Variants in VPS13C observed in about 807,000 individuals in gnomAD.
VPS13C encodes the protein intermembrane lipid transfer protein VPS13C.
In VPS13C, 358 loss-of-function variants were observed where a neutral mutation model predicts 456.8. The observed-to-expected ratio is 0.78, with a 90% CI of 0.72 to 0.86. The LOEUF is 0.86. Among genes scored for constraint, VPS13C ranks in the 40% least tolerant of loss-of-function variants. The pLI is 0.00. For synonymous variants in VPS13C, 1,578 were observed against 1,486.7 expected (o/e 1.06, Z -1.41); for missense variants, 4,818 against 4,385.4 (o/e 1.10, Z -2.79).
At chr15:62,032,812 G>A (rs1258818882) in intron 5 of VPS13C, among the ~76,000 whole-genome samples, 1 of 151,524 alleles carries the variant, frequency 6.6e-6, no homozygotes, top group Non-Finnish European at 1.5e-5. Context: ...ATAGATGTCT[G>A]GAAAAGTCCT....
rs760521109 is a variant in VPS13C, at chr15:61,922,684, C to T, written c.6688G>A (p.Asp2230Asn). ...SPKTKEDGSK[D>N]TSKEMENLWG... Reference sequence around the variant, plus strand: ...AGATTTTCCATTTCCTTAGACGTATCTTTGGATCCATCTTCTTTTGTTTTT... The same window carrying T: ...AGATTTTCCATTTCCTTAGACGTATTTTTGGATCCATCTTCTTTTGTTTTT... The change falls in exon 54 of 85, where the codon GAT becomes AAT. Residue 2230 changes from aspartate to asparagine, a missense_variant. By Grantham distance (23) the Asp-to-Asn change is conservative. Transcript: ENST00000644861. 2 of 1,613,760 alleles carry T rather than the reference C, an allele frequency of 1.2e-6. No homozygotes were observed. The highest frequency in any genetic ancestry group is 2.7e-5 in the African/African-American group (2 of 74,880).
intron 61 of VPS13C, among the ~76,000 whole-genome samples, chr15:61,915,050 A>ACAG (rs1203661057): frequency 3.3e-5 from 5 of 152,124 alleles, no homozygotes; most frequent in African/African-American, 1.2e-4. Flanking sequence ...CAAAGGATGA[A>ACAG]CAGCAGATAT....
At position 61,925,195 on chromosome 15, in the gene VPS13C, A is replaced by C. The variant is rs528754391; in HGVS notation, c.6609+261T>G. Among the ~76,000 whole-genome samples the C allele has an allele frequency of 4.0e-5, 6 of 150,890 alleles. No individual in the cohort carries two copies. In the East Asian group the frequency reaches 1.2e-3, roughly 30 times the overall value. ...TCCCTCCTCCAACTCAACCCCCACA[A>C]CACACGCATGCAAATAGAATAGAGA... On this transcript the variant is annotated intron_variant, in intron 53 of 84. Coordinates refer to ENST00000644861, the MANE Select transcript of VPS13C (RefSeq NM_020821.3).
chr15:61,976,022 T>C (rs1166475567), intron 24 of VPS13C, among the ~76,000 whole-genome samples: 2 of 152,152 alleles, frequency 1.3e-5, no homozygotes, highest in East Asian at 3.9e-4. Context: ...GTACACACAG[T>C]TTGAAGGTAA....
intron 81 of VPS13C, chr15:61,865,050 A>C: frequency 1.0e-6 from 1 of 984,922 alleles, no homozygotes; most frequent in Non-Finnish European, 1.2e-6. Context: ...TGTCTTCAGC[A>C]CTACTAAAAA....
At chr15:61,907,876 T>C (rs1179260261) in intron 65 of VPS13C, among the ~76,000 whole-genome samples, 3 of 152,190 alleles carry the variant, frequency 2.0e-5, no homozygotes, top group Non-Finnish European at 4.4e-5. Flanking sequence ...TACCCAAGCC[T>C]CTCAAGTAGC....
chr15:62,041,124 C>A (rs1472707803), intron 3 of VPS13C, among the ~76,000 whole-genome samples, 200 bp downstream of exon 3: 1 of 152,058 alleles, frequency 6.6e-6, no homozygotes, highest in African/African-American at 2.4e-5. Context: ...CTTCCATTTT[C>A]TACCTTTTGT....
intron 1 of VPS13C, among the ~76,000 whole-genome samples, chr15:62,045,811 C>T (rs1279489317): frequency 6.6e-6 from 1 of 151,848 alleles, no homozygotes; most frequent in South Asian, 2.1e-4. Context: ...TCTAAATGTC[C>T]AGGAAGAAGG....
intron 45 of VPS13C, 117 bp downstream of exon 45, chr15:61,945,598 G>T: frequency 1.5e-6 from 1 of 670,192 alleles, no homozygotes. Flanking sequence ...ATTCTGTTCA[G>T]CACTCAGGTG....
chr15:61,959,696 T>G, intron 35 of VPS13C, 101 bp from the exon 36 acceptor site: 1 of 1,192,054 alleles, frequency 8.4e-7, no homozygotes. Flanking sequence ...CTCTAAATAC[T>G]GATCTGAAAC....
chr15:61,885,067 C>G (rs570388377), intron 67 of VPS13C, among the ~76,000 whole-genome samples: 1 of 152,188 alleles, frequency 6.6e-6, no homozygotes, highest in South Asian at 2.1e-4. Flanking sequence ...GTTGCTGGAA[C>G]TGGAGTTGCA....
intron 1 of VPS13C, among the ~76,000 whole-genome samples, chr15:62,054,328 G>C (rs1021895992): frequency 6.2e-4 from 95 of 152,284 alleles, no homozygotes; most frequent in Middle Eastern, 6.8e-3. Flanking sequence ...CTAGCTGGCA[G>C]GTAATACTGT....
chr15:61,962,852 C>A lies in VPS13C; in HGVS notation c.3332G>T (p.Gly1111Val), dbSNP rs1472283479. ...CTGGAGAGAAAGGGAGGAATCCAGT[C>A]CTGAAAAAAAGAGTGTATTATTATA... ...KNNIAEIKIQ[G>V]LDSSLSLQSR... Residue 1111 changes from glycine (G) to valine (V), a missense_variant and splice_region_variant, in exon 33 of 85, where the codon GGA (glycine) becomes GTA (valine). This residue lies in a region of VPS13C where 4,552 missense variants were observed against 4,130.6 expected (regional missense o/e 1.10). Transcript: ENST00000644861. The A allele has an allele frequency of 6.3e-7, 1 of 1,585,384 alleles. No individual in the cohort carries two copies. Among genetic ancestry groups the A allele is most frequent in the East Asian group, 2.3e-5 (1 of 44,374 alleles).
At chr15:61,947,095 AC>A in intron 43 of VPS13C, 97 bp downstream of exon 43, 1 of 776,566 alleles carries the variant, frequency 1.3e-6, no homozygotes, top group Non-Finnish European at 2.0e-6. Flanking sequence ...ATATAAGTAA[AC>A]CAAAAGAAAA....
chr15:61,875,660 T>G lies in VPS13C; in HGVS notation c.10338+72A>C. Reference sequence around the variant, plus strand: ...TCCAAGATACAATTACAATGCAAATTACTATTTGTTATTAAAAAATAGACC... The same window carrying G: ...TCCAAGATACAATTACAATGCAAATGACTATTTGTTATTAAAAAATAGACC... On this transcript the variant is annotated intron_variant, in intron 76 of 84. Transcript: ENST00000644861. The G allele has an allele frequency of 6.9e-6, 7 of 1,010,124 alleles. No individual in the cohort carries two copies. The South Asian group carries it at 9.9e-5, about 14-fold the overall frequency. 62.6% of individuals were successfully genotyped at this position (1,010,124 alleles called of 1,614,324 possible).
chr15:62,048,773 C>A (rs534311466), intron 1 of VPS13C, among the ~76,000 whole-genome samples: 42 of 152,136 alleles, frequency 2.8e-4, no homozygotes, highest in South Asian at 6.2e-4. Flanking sequence ...CTGTTGTTTC[C>A]TGACTTTTTA....
At chr15:61,960,706 G>A (rs1308566147) in intron 35 of VPS13C, among the ~76,000 whole-genome samples, 1 of 152,192 alleles carries the variant, frequency 6.6e-6, no homozygotes, top group East Asian at 1.9e-4. Context: ...TGAAGGATAT[G>A]TAGGTGCATT....
At chr15:61,917,968 C>G (rs2043526728) in intron 59 of VPS13C, among the ~76,000 whole-genome samples, 168 bp downstream of exon 59, 1 of 151,898 alleles carries the variant, frequency 6.6e-6, no homozygotes, top group South Asian at 2.1e-4. Flanking sequence ...GGAATTTTCA[C>G]CTGATAAATT....
rs1316868008 is a variant in VPS13C at position 61,991,044 on chromosome 15, T to C, written c.1534A>G (p.Ile512Val). The change falls in exon 18 of 85, where the codon ATT becomes GTT. Residue 512 changes from isoleucine to valine, a missense_variant. Physicochemically the swap from Ile to Val is conservative, Grantham distance 29. Transcript: ENST00000644861. Reference protein sequence around the residue: ...PEEKDKLFTAIGYSESTHNLT... With the variant: ...PEEKDKLFTAVGYSESTHNLT... The stretch of plus-strand genomic sequence containing the variant: ...TTGTGGGTACTCTCACTATAACCAA[T>C]GGCAGTGAAGAGTTTATCTTTTTCC... The C allele has an allele frequency of 5.6e-6, 9 of 1,612,812 alleles. No individual in the cohort carries two copies. In the East Asian group the frequency reaches 8.9e-5, roughly 16 times the overall value.
Sources: allele counts gnomAD v4.1 joint callset (sites outside exome capture counted in the v4.1 genomes callset), GRCh38; gene constraint gnomAD v4.1.1; regional missense constraint gnomAD v4.1.1; transcripts MANE v1.5; gene names NCBI Gene and HGNC (gene_info 2026-07-23, HGNC 2026-07-21).